Variants in BBIP1 observed in about 807,000 individuals in gnomAD.
BBIP1 encodes BBSome interacting protein 1.
In BBIP1, 6 loss-of-function variants were observed where a neutral mutation model predicts 8.9. The ratio of observed to expected loss-of-function variants is 0.67; its 90% CI spans 0.37 to 1.33. The LOEUF (loss-of-function observed/expected upper bound fraction) is 1.33, where lower values mean the gene tolerates loss of function less well. Ranked by LOEUF, BBIP1 falls within the 40% of genes most tolerant of loss-of-function variation. BBIP1 has a pLI of 0.02. For synonymous variants in BBIP1, 32 were observed against 33.4 expected, an observed-to-expected ratio of 0.96 and a Z score of 0.14; for missense variants, 111 against 109.2, an observed-to-expected ratio of 1.02 and a Z score of -0.07.
intron 2 of BBIP1, among the ~76,000 whole-genome samples, chr10:110,915,705 T>G (rs1846386341): frequency 6.6e-6 from 1 of 150,580 alleles, no homozygotes; most frequent in Non-Finnish European, 1.5e-5. Flanking sequence ...CTCGTTTTAA[T>G]TTTTTTTTTC....
intron 2 of BBIP1, chr10:110,908,035 G>A: frequency 2.7e-6 from 1 of 370,870 alleles, no homozygotes; most frequent in Non-Finnish European, 4.8e-6. Context: ...CTAGGGCAAT[G>A]TCACTTTCAA....
intron 2 of BBIP1, among the ~76,000 whole-genome samples, chr10:110,908,894 AT>A (rs1404587632): frequency 6.6e-6 from 1 of 152,208 alleles, no homozygotes; most frequent in Non-Finnish European, 1.5e-5. Context: ...CCACTGAAAT[AT>A]TTTAAGAATG....
intron 2 of BBIP1, among the ~76,000 whole-genome samples, chr10:110,912,899 A>AC (rs915863343): frequency 2.6e-5 from 4 of 152,160 alleles, no homozygotes; most frequent in Non-Finnish European, 5.9e-5. Flanking sequence ...TGCTAATTGT[A>AC]CAGACCCCAG....
chr10:110,917,619 G>A (rs1390874591), intron 2 of BBIP1, among the ~76,000 whole-genome samples: 3 of 152,154 alleles, frequency 2.0e-5, no homozygotes, highest in African/African-American at 4.8e-5. Flanking sequence ...AGTAGCAGGC[G>A]CTCAGCTGAA....
intron 2 of BBIP1, chr10:110,907,347 A>T (rs1230901624): frequency 6.1e-6 from 1 of 162,640 alleles, no homozygotes; most frequent in Non-Finnish European, 1.3e-5. Flanking sequence ...CCTCATCTCT[A>T]CAAAAAATTA....
At position 110,900,790 on chromosome 10, in the gene BBIP1, C is replaced by G. The variant is rs142460436; in HGVS notation, c.113-264G>C. The G allele has an allele frequency of 6.8e-4, 243 of 355,722 alleles. 2 individuals carry two copies. The highest frequency in any genetic ancestry group is 4.6e-3 in the African/African-American group (217 of 47,060). 22.0% of individuals were successfully genotyped at this position (355,722 alleles called of 1,614,324 possible). On this transcript the variant is annotated intron_variant, in intron 3 of 3. Coordinates refer to ENST00000448814, the MANE Select transcript of BBIP1 (RefSeq NM_001195305.3). ...TACCATAAGACACAACTTTTTGTGT[C>G]AGAAGTTTAATCTTAAAATAAGATT...
At chr10:110,908,875 T>C (rs1346724978) in intron 2 of BBIP1, among the ~76,000 whole-genome samples, 1 of 150,314 alleles carries the variant, frequency 6.7e-6, no homozygotes, top group Admixed American at 6.6e-5. Context: ...TTGAAGGAAA[T>C]AAGGAGAACC....
At chr10:110,914,344 G>T (rs1846345822) in intron 2 of BBIP1, among the ~76,000 whole-genome samples, 1 of 151,798 alleles carries the variant, frequency 6.6e-6, no homozygotes, top group Admixed American at 6.6e-5. Flanking sequence ...CTGAGAGGGG[G>T]TGGTGAGAAT....
chr10:110,908,593 C>T (rs547005424), intron 2 of BBIP1, among the ~76,000 whole-genome samples: 5 of 152,166 alleles, frequency 3.3e-5, no homozygotes, highest in South Asian at 4.2e-4. Context: ...GGCACATAAG[C>T]GAAGAAGCAT....
At chr10:110,903,685 A>G (rs913700677) in intron 2 of BBIP1, 2 of 152,388 alleles carry the variant, frequency 1.3e-5, no homozygotes, top group African/African-American at 2.4e-5. Flanking sequence ...TGGTTCTGTC[A>G]TGGTGCAAAC....
chr10:110,910,871 A>G (rs1478438821), intron 2 of BBIP1: 1 of 152,328 alleles, frequency 6.6e-6, no homozygotes, highest in Non-Finnish European at 1.5e-5. Context: ...TCAACTGTAC[A>G]GTAGTACAAG....
chr10:110,913,000 A>C (rs2134042467), intron 2 of BBIP1, among the ~76,000 whole-genome samples: 1 of 152,328 alleles, frequency 6.6e-6, no homozygotes, highest in South Asian at 2.1e-4. Flanking sequence ...GTGTGACCTA[A>C]ATAAAACAGA....
chr10:110,915,846 G>C (rs1846390420), intron 2 of BBIP1, among the ~76,000 whole-genome samples: 1 of 152,148 alleles, frequency 6.6e-6, no homozygotes, highest in Non-Finnish European at 1.5e-5. Flanking sequence ...TGGGACTACA[G>C]GTGTGCATGA....
rs897802703 is a variant in BBIP1 at position 110,899,413 on chromosome 10, A to T, written c.*947T>A. 6.6e-6 allele frequency: 1 copy of T among 152,188 alleles called. No homozygotes were observed. Among genetic ancestry groups the T allele is most frequent in the African/African-American group, 2.4e-5 (1 of 41,448 alleles). The allele number at this position is 152,188 out of a possible 1,614,324, so 9.4% of individuals were successfully genotyped here. A position where few individuals can be genotyped will look rare whatever the true frequency, so the allele number is the denominator to read the frequency against. On this transcript the variant is annotated 3_prime_UTR_variant, in exon 4 of 4. Coordinates refer to ENST00000448814, the MANE Select transcript of BBIP1 (RefSeq NM_001195305.3). ...AGGTTTTTAATTGTTTGACACTTGG[A>T]TGATAAATGCAGTCATTTTATTCTC...
Position 110,900,681 on chromosome 10 carries a change from A to G in BBIP1, c.113-155T>C, listed in dbSNP as rs184410028. 4.0e-5 allele frequency: 25 copies of G among 624,326 alleles called. No individual in the cohort carries two copies. The African/African-American group carries it at 4.3e-4, about 11-fold the overall frequency. 38.7% of individuals were successfully genotyped at this position (624,326 alleles called of 1,614,324 possible). A position where few individuals can be genotyped will look rare whatever the true frequency, so the allele number is the denominator to read the frequency against. On this transcript the variant is annotated intron_variant, in intron 3 of 3. Transcript: ENST00000448814. ...GTTTTGCTCTGGAACCAGAAAGATC[A>G]TTGTCATTCTATAAGCGCATTTCTT...
Position 110,899,463 on chromosome 10 carries a change from A to AAAG in BBIP1, c.*894_*896dup, listed in dbSNP as rs760414646. The AAAG allele has an allele frequency of 6.6e-6, 1 of 152,204 alleles. No homozygotes were observed. Among genetic ancestry groups the AAAG allele is most frequent in the Non-Finnish European group, 1.5e-5 (1 of 68,036 alleles). The allele number at this position is 152,204 out of a possible 1,614,324, so 9.4% of individuals were successfully genotyped here. A position where few individuals can be genotyped will look rare whatever the true frequency, so the allele number is the denominator to read the frequency against. On this transcript the variant is annotated 3_prime_UTR_variant, in exon 4 of 4. Coordinates refer to ENST00000448814, the MANE Select transcript of BBIP1 (RefSeq NM_001195305.3). Reference sequence around the variant, plus strand: ...CAAGTGCTTAAAATTAATGTAATTAAAAGCTTAGCTGACTACAGAATAGGT... The same window carrying AAAG: ...CAAGTGCTTAAAATTAATGTAATTAAAAGAAGCTTAGCTGACTACAGAATAGGT...
At chr10:110,902,388 A>T (rs1846026264) in intron 2 of BBIP1, 1 of 152,234 alleles carries the variant, frequency 6.6e-6, no homozygotes, top group Non-Finnish European at 1.5e-5. Flanking sequence ...TAAGCTGTAG[A>T]ATGATCCCTT....
chr10:110,911,281 C>CA (rs1221968912), intron 2 of BBIP1: 1 of 152,002 alleles, frequency 6.6e-6, no homozygotes, highest in Non-Finnish European at 1.5e-5. Flanking sequence ...TATGGGCAAG[C>CA]AAAAATATTT....
Position 110,910,284 on chromosome 10 carries a change from T to C in BBIP1, c.37+7837A>G, listed in dbSNP as rs557627088. Among the ~76,000 whole-genome samples, 3 of 152,286 alleles carry C rather than the reference T, an allele frequency of 2.0e-5. No homozygotes were observed. The South Asian group carries it at 6.2e-4, about 32-fold the overall frequency. ...AAAAAAAGTGTTCTGTCGGAGGACA[T>C]GGCTAGAGTGCAGTGTGTGTACAGT... On this transcript the variant is annotated intron_variant, in intron 2 of 3. Transcript: ENST00000448814.
Sources: allele counts gnomAD v4.1 joint callset (sites outside exome capture counted in the v4.1 genomes callset), GRCh38; gene constraint gnomAD v4.1.1; transcripts MANE v1.5; gene names NCBI Gene and HGNC (gene_info 2026-07-23, HGNC 2026-07-21).